RBFOX1: variants seen among roughly 807,000 people sequenced by gnomAD.
RBFOX1 encodes RNA binding fox-1 homolog 1, also known as RNA binding protein fox-1 homolog 1.
RBFOX1 carries 8 observed loss-of-function variants against 57.7 expected under a neutral mutation model. The ratio of observed to expected loss-of-function variants is 0.14; its 90% CI spans 0.08 to 0.25. The LOEUF (loss-of-function observed/expected upper bound fraction) is 0.25, where lower values mean the gene tolerates loss of function less well. Ranked by LOEUF, RBFOX1 falls within the 10% of genes least tolerant of loss-of-function variation. The pLI is 1.00. For missense variants in RBFOX1, 611 were observed against 548.5 expected, an observed-to-expected ratio of 1.11 and a Z score of -1.14; for synonymous variants, 326 against 222.4, an observed-to-expected ratio of 1.47 and a Z score of -4.15.
chr16:7,076,422 G>GA (rs1289399085), intron 4 of RBFOX1, among the ~76,000 whole-genome samples: 3 of 151,904 alleles, frequency 2.0e-5, no homozygotes, highest in African/African-American at 7.3e-5. Flanking sequence ...AGACCAAGAA[G>GA]AGTCCCATGC....
intron 3 of RBFOX1, among the ~76,000 whole-genome samples, chr16:5,745,102 C>T (rs943329924): frequency 6.6e-6 from 1 of 152,184 alleles, no homozygotes; most frequent in East Asian, 1.9e-4. Context: ...CTTCCCCCAC[C>T]TCATGACAGG....
chr16:6,471,367 C>T (rs1249298504), intron 2 of RBFOX1, among the ~76,000 whole-genome samples: 1 of 152,164 alleles, frequency 6.6e-6, no homozygotes, highest in African/African-American at 2.4e-5. Context: ...TCCATTCTGT[C>T]ATCTAGTACG....
intron 4 of RBFOX1, among the ~76,000 whole-genome samples, chr16:7,291,071 A>T (rs889421066): frequency 6.6e-6 from 1 of 152,212 alleles, no homozygotes; most frequent in Non-Finnish European, 1.5e-5. Context: ...AAGAGCATAT[A>T]TTTGGAGATG....
intron 4 of RBFOX1, among the ~76,000 whole-genome samples, chr16:5,877,354 C>T (rs946076693): frequency 6.6e-6 from 1 of 152,214 alleles, no homozygotes; most frequent in African/African-American, 2.4e-5. Flanking sequence ...AGCCTGTGAT[C>T]TATGAAAATA....
intron 4 of RBFOX1, among the ~76,000 whole-genome samples, chr16:7,256,198 T>G (rs2094674495): frequency 6.6e-6 from 1 of 152,198 alleles, no homozygotes. Flanking sequence ...GGAGATGGTA[T>G]GAGGTTGGCT....
intron 3 of RBFOX1, among the ~76,000 whole-genome samples, chr16:6,949,807 TC>T (rs199845293): frequency 2.7e-5 from 4 of 147,064 alleles, no homozygotes; most frequent in Non-Finnish European, 4.6e-5. Flanking sequence ...ATTTTTTTTT[TC>T]TGTGTGTGTA....
intron 4 of RBFOX1, among the ~76,000 whole-genome samples, chr16:5,977,029 G>A (rs112866429): frequency 3.9e-5 from 6 of 152,222 alleles, no homozygotes; most frequent in African/African-American, 1.2e-4. Context: ...GGATGGGTAG[G>A]AACACAGATC....
chr16:6,946,710 C>T (rs62017722), intron 3 of RBFOX1, among the ~76,000 whole-genome samples: 23,891 of 151,962 alleles, frequency 0.16, 2,249 homozygotes, highest in East Asian at 0.28. Flanking sequence ...TCAAGTGATC[C>T]TCTTGCCTGA....
chr16:5,797,137 G>C (rs1386480850), intron 3 of RBFOX1, among the ~76,000 whole-genome samples: 4 of 152,186 alleles, frequency 2.6e-5, no homozygotes, highest in African/African-American at 9.7e-5. Flanking sequence ...CTCTACAGTG[G>C]TGACATTGAC....
chr16:6,521,706 C>T (rs2096502587), intron 2 of RBFOX1, among the ~76,000 whole-genome samples: 1 of 151,866 alleles, frequency 6.6e-6, no homozygotes, highest in Admixed American at 6.6e-5. Context: ...CAGAAAACAA[C>T]AACAAGAAAA....
At chr16:6,229,078 C>G (rs2097438427) in intron 1 of RBFOX1, among the ~76,000 whole-genome samples, 1 of 152,018 alleles carries the variant, frequency 6.6e-6, no homozygotes, top group Non-Finnish European at 1.5e-5. Flanking sequence ...TTCCTTGGCC[C>G]ATCTTATTGA....
rs139149083 is a variant in RBFOX1 at position 5,487,792 on chromosome 16, T to C, written c.258+20538T>C. 1.5e-3 allele frequency among the ~76,000 whole-genome samples: 232 copies of C among 152,140 alleles called. 1 individual carries two copies. Among genetic ancestry groups the C allele is most frequent in the African/African-American group, 5.0e-3 (208 of 41,490 alleles). ...CTTGGTATGCATTATCTCCCTGAAA[T>C]GGAATAATGATGATGATAGTAGTGG... On this transcript the variant is annotated intron_variant, in intron 2 of 2. Coordinates refer to the RBFOX1 transcript ENST00000585867.
intron 3 of RBFOX1, among the ~76,000 whole-genome samples, chr16:6,976,028 G>T (rs956949617): frequency 6.6e-6 from 1 of 152,180 alleles, no homozygotes; most frequent in African/African-American, 2.4e-5. Flanking sequence ...TTGAGAGGCT[G>T]AGGGAAGTGA....
chr16:7,224,549 G>T (rs1047944792), intron 4 of RBFOX1, among the ~76,000 whole-genome samples: 6 of 152,148 alleles, frequency 3.9e-5, no homozygotes, highest in African/African-American at 1.4e-4. Flanking sequence ...AAAATCAGAG[G>T]GAGGTTTGAG....
At chr16:7,065,578 G>A (rs899044841) in intron 4 of RBFOX1, among the ~76,000 whole-genome samples, 1 of 152,150 alleles carries the variant, frequency 6.6e-6, no homozygotes, top group South Asian at 2.1e-4. Flanking sequence ...TGGTGTTTTA[G>A]TATGTGTACA....
intron 4 of RBFOX1, among the ~76,000 whole-genome samples, chr16:7,246,230 G>A (rs1366904273): frequency 1.3e-5 from 2 of 152,098 alleles, no homozygotes; most frequent in Non-Finnish European, 2.9e-5. Context: ...AATTTGGAAG[G>A]AATCCTTAGC....
At chr16:7,347,101 A>C (rs555458987) in intron 4 of RBFOX1, among the ~76,000 whole-genome samples, 1 of 152,306 alleles carries the variant, frequency 6.6e-6, no homozygotes, top group East Asian at 1.9e-4. Flanking sequence ...GTTCTCAATC[A>C]GGGGTGATTT....
At chr16:6,671,432 A>G (rs77428586) in intron 3 of RBFOX1, among the ~76,000 whole-genome samples, 1 of 152,222 alleles carries the variant, frequency 6.6e-6, no homozygotes, top group Non-Finnish European at 1.5e-5. Context: ...TTCATATTCA[A>G]ACATCATTTT....
At chr16:6,265,818 T>A (rs78376458) in intron 1 of RBFOX1, among the ~76,000 whole-genome samples, 21 of 152,288 alleles carry the variant, frequency 1.4e-4, no homozygotes, top group East Asian at 5.8e-4. Flanking sequence ...CTCTCTTCCT[T>A]CTGCCCCCTC....
Sources: gnomAD v4.1 joint callset for allele counts (sites outside exome capture counted in the v4.1 genomes callset) on GRCh38, gnomAD v4.1.1 for gene constraint, MANE v1.5 for transcripts, NCBI Gene and HGNC (gene_info 2026-07-23, HGNC 2026-07-21) for gene names.